The following ICA1 variants were observed in gnomAD, a reference collection of about 807,000 sequenced individuals.
The protein encoded by ICA1 is islet cell autoantigen 1.
ICA1 carries 40 observed loss-of-function variants against 71.0 expected under a neutral mutation model. That is an observed-to-expected ratio of 0.56 (90% CI 0.44 to 0.73). The LOEUF (loss-of-function observed/expected upper bound fraction) is 0.73, where lower values mean the gene tolerates loss of function less well. Among genes scored for constraint, ICA1 ranks in the 30% least tolerant of loss-of-function variants. ICA1 has a pLI of 0.00. For missense variants in ICA1, 578 were observed against 576.5 expected (o/e 1.00, Z -0.03); for synonymous variants, 207 against 209.5 (o/e 0.99, Z 0.10).
At chr7:8,257,649 T>C (rs1357459272) in intron 1 of ICA1, among the ~76,000 whole-genome samples, 1 of 152,210 alleles carries the variant, frequency 6.6e-6, no homozygotes, top group African/African-American at 2.4e-5. Context: ...AATTCATGTA[T>C]TTTCTGCTAA....
intron 6 of ICA1, among the ~76,000 whole-genome samples, chr7:8,172,024 A>G (rs1023168239): frequency 2.6e-5 from 4 of 152,064 alleles, no homozygotes; most frequent in African/African-American, 9.7e-5. Context: ...AAACCTAAAC[A>G]CAGTCTATCT....
intron 6 of ICA1, among the ~76,000 whole-genome samples, chr7:8,185,303 T>C (rs971384919): frequency 6.6e-6 from 1 of 152,188 alleles, no homozygotes; most frequent in South Asian, 2.1e-4. Flanking sequence ...CTTATGAAAC[T>C]TTAAACCAAG....
chr7:8,239,848 G>C (rs1027770200), intron 1 of ICA1, among the ~76,000 whole-genome samples: 11 of 152,376 alleles, frequency 7.2e-5, no homozygotes, highest in Non-Finnish European at 1.5e-4. Flanking sequence ...CTGGGGCAGG[G>C]GCGTCTGCCA....
chr7:8,176,818 A>G (rs982065858), intron 6 of ICA1, among the ~76,000 whole-genome samples: 3 of 152,208 alleles, frequency 2.0e-5, no homozygotes, highest in African/African-American at 7.2e-5. Context: ...GACTTTCACA[A>G]TGTACCTACA....
chr7:8,118,476 G>A (rs1785497329), intron 13 of ICA1, among the ~76,000 whole-genome samples: 2 of 152,162 alleles, frequency 1.3e-5, no homozygotes, highest in South Asian at 2.1e-4. Context: ...TACAGTGGGT[G>A]AAGTTTTGGC....
intron 5 of ICA1, among the ~76,000 whole-genome samples, chr7:8,220,171 C>T (rs555504457): frequency 6.6e-6 from 1 of 152,006 alleles, no homozygotes; most frequent in South Asian, 2.1e-4. Flanking sequence ...AAACAAATAC[C>T]TTTCTTGGGA....
intron 5 of ICA1, among the ~76,000 whole-genome samples, chr7:8,221,009 T>C (rs1051288075): frequency 4.6e-5 from 7 of 151,966 alleles, no homozygotes; most frequent in Non-Finnish European, 1.0e-4. Context: ...ACAGCACTCA[T>C]AGTGATTGAC....
chr7:8,123,428 G>A lies in ICA1; in HGVS notation c.1330+4445C>T, dbSNP rs191846446. Among the ~76,000 whole-genome samples, 464 of 152,208 alleles carry A rather than the reference G, an allele frequency of 3.0e-3. 1 individual carries two copies. The highest frequency in any genetic ancestry group is 5.5e-3 in the Non-Finnish European group (371 of 68,006). ...GATTGTGAGAGGGGGTGAGGGAGCT[G>A]GGGACGCGGCCCAGAGCTTGCACTT... On this transcript the variant is annotated intron_variant, in intron 13 of 13. Transcript: ENST00000402384. This position sits in a 1 kb window ranked among gnomAD's most constrained non-coding sequence, Gnocchi z 4.1.
At chr7:8,195,849 G>A (rs1466416335) in intron 6 of ICA1, among the ~76,000 whole-genome samples, 1 of 151,932 alleles carries the variant, frequency 6.6e-6, no homozygotes, top group Non-Finnish European at 1.5e-5. Context: ...ATGGTGGTAT[G>A]TGCCTGTAGT....
chr7:8,216,780 T>G (rs1795548577), intron 6 of ICA1, among the ~76,000 whole-genome samples: 1 of 152,244 alleles, frequency 6.6e-6, no homozygotes, highest in Non-Finnish European at 1.5e-5. Context: ...TTTGAATGAT[T>G]CTGACTCTCA....
intron 3 of ICA1, among the ~76,000 whole-genome samples, chr7:8,232,383 G>C (rs11978490): frequency 0.065 from 9,970 of 152,270 alleles, 564 homozygotes; most frequent in African/African-American, 0.16. Context: ...TGGCGACTAT[G>C]TTCTTAAAAT....
intron 6 of ICA1, among the ~76,000 whole-genome samples, chr7:8,189,838 G>A (rs1785025621): frequency 6.6e-6 from 1 of 152,224 alleles, no homozygotes; most frequent in Admixed American, 6.5e-5. Flanking sequence ...AGCAGCCTCT[G>A]AATGCCTTGG....
chr7:8,184,017 C>A (rs1376237722), intron 6 of ICA1, among the ~76,000 whole-genome samples: 1 of 152,192 alleles, frequency 6.6e-6, no homozygotes, highest in Non-Finnish European at 1.5e-5. Context: ...TTATCACTAA[C>A]ATAGAAAGTT....
At chr7:8,138,817 C>G (rs762484669) in intron 12 of ICA1, 23 bp downstream of exon 12, 222 of 1,538,614 alleles carry the variant, frequency 1.4e-4, no homozygotes, top group Non-Finnish European at 1.9e-4. Context: ...AATCATAATC[C>G]CAAAGAAACA....
chr7:8,181,545 G>A (rs139096237), intron 6 of ICA1, among the ~76,000 whole-genome samples: 4 of 152,164 alleles, frequency 2.6e-5, no homozygotes, highest in Admixed American at 2.6e-4. Flanking sequence ...TTAATCTGTA[G>A]GTCAATTTGA....
intron 1 of ICA1, among the ~76,000 whole-genome samples, chr7:8,251,150 A>G (rs1478437484): frequency 6.6e-6 from 1 of 152,098 alleles, no homozygotes; most frequent in Non-Finnish European, 1.5e-5. Flanking sequence ...GGACTCCCCA[A>G]GTGCCAGGAT....
intron 9 of ICA1, chr7:8,142,096 G>T: frequency 1.0e-6 from 1 of 980,886 alleles, no homozygotes. Flanking sequence ...GACGCATACA[G>T]TTATCACCTT....
chr7:8,196,870 C>T (rs62433176), intron 6 of ICA1, among the ~76,000 whole-genome samples: 24,543 of 151,960 alleles, frequency 0.16, 2,147 homozygotes, highest in Non-Finnish European at 0.2. Flanking sequence ...ATATATCTCA[C>T]GAGATCTGAT....
chr7:8,121,305 A>C (rs1786826843), intron 13 of ICA1, among the ~76,000 whole-genome samples: 1 of 152,176 alleles, frequency 6.6e-6, no homozygotes, highest in Admixed American at 6.5e-5. Flanking sequence ...GCCAGCAAGT[A>C]CTTTTGAACA....
Sources: gnomAD v4.1 joint callset for allele counts (sites outside exome capture counted in the v4.1 genomes callset) on GRCh38, gnomAD v4.1.1 for gene constraint, Gnocchi (gnomAD v3.1) non-coding constraint, MANE v1.5 for transcripts, NCBI Gene and HGNC (gene_info 2026-07-23, HGNC 2026-07-21) for gene names.